The following THNSL1 variants were observed in gnomAD, a reference collection of about 807,000 sequenced individuals.
The protein encoded by THNSL1 is threonine synthase-like 1.
THNSL1 carries 48 observed loss-of-function variants against 50.4 expected under a neutral mutation model. The ratio of observed to expected loss-of-function variants is 0.95; its 90% confidence interval spans 0.76 to 1.21. The LOEUF (loss-of-function observed/expected upper bound fraction) is 1.21, where lower values mean the gene tolerates loss of function less well. Among genes scored for constraint, THNSL1 ranks in the 50% most tolerant of loss-of-function variants. The pLI, the probability that THNSL1 is intolerant of heterozygous loss-of-function variation, is 0.00. For missense variants in THNSL1, 896 were observed against 871.7 expected, an observed-to-expected ratio of 1.03 and a Z score of -0.35; for synonymous variants, 309 against 306.1, an observed-to-expected ratio of 1.01 and a Z score of -0.10.
upstream of THNSL1, chr10:25,015,966 C>G: frequency 6.3e-7 from 1 of 1,592,198 alleles, no homozygotes; most frequent in Non-Finnish European, 8.5e-7. Context: ...AAAAGCTACT[C>G]TCCACAACTT....
chr10:25,020,196 G>T (rs1288710937), intron 1 of THNSL1, among the ~76,000 whole-genome samples: 1 of 150,910 alleles, frequency 6.6e-6, no homozygotes, highest in Non-Finnish European at 1.5e-5. Context: ...AAATAATATT[G>T]ATACAGAATT....
intron 2 of THNSL1, among the ~76,000 whole-genome samples, chr10:25,022,569 AC>A (rs1169486466): frequency 1.3e-5 from 2 of 152,208 alleles, no homozygotes; most frequent in African/African-American, 4.8e-5. Context: ...AAAATGTCAT[AC>A]CTTTGTCCTG....
the THNSL1 span, among the ~76,000 whole-genome samples, chr10:24,974,279 T>TAA: frequency 0.045 from 6,868 of 151,754 alleles, 466 homozygotes; most frequent in African/African-American, 0.15. Context: ...ATGTGATTTT[T>TAA]AAAAAAAAAT....
chr10:25,021,230 G>T (rs1850712498), intron 1 of THNSL1, among the ~76,000 whole-genome samples: 1 of 152,186 alleles, frequency 6.6e-6, no homozygotes, highest in South Asian at 2.1e-4. Flanking sequence ...TAACCACTAT[G>T]ATATGTGCTT....
chr10:25,004,277 C>A, the THNSL1 span, among the ~76,000 whole-genome samples: 1 of 152,076 alleles, frequency 6.6e-6, no homozygotes, highest in African/African-American at 2.4e-5. Context: ...ATTTCTATTC[C>A]TTTGGGTATA....
At chr10:24,996,842 C>T in the THNSL1 span, among the ~76,000 whole-genome samples, 5 of 152,192 alleles carry the variant, frequency 3.3e-5, no homozygotes, top group Middle Eastern at 3.4e-3. Flanking sequence ...ATGTTGAAGC[C>T]CTAACCCCCA....
At chr10:25,017,068 G>C (rs188669257) in intron 1 of THNSL1, among the ~76,000 whole-genome samples, 41 of 152,258 alleles carry the variant, frequency 2.7e-4, no homozygotes, top group African/African-American at 9.4e-4. Flanking sequence ...CCTCCGGGTC[G>C]GCTCTGCGCC....
At chr10:24,973,483 T>C in the THNSL1 span, among the ~76,000 whole-genome samples, 1 of 152,136 alleles carries the variant, frequency 6.6e-6, no homozygotes, top group African/African-American at 2.4e-5. Flanking sequence ...ATTTCTGGAA[T>C]TTTCCATTTA....
In THNSL1 at chr10:25,025,498, A is replaced by G. The variant is rs1186308354; in HGVS notation, c.*43A>G. ...TTTTTTTTCTAGCTATAAGCATGCA[A>G]TAATAAATCTCAAACACTGATTTGG... is the stretch of plus-strand genomic sequence containing the variant. On this transcript the variant is annotated 3_prime_UTR_variant, in exon 3 of 3. Coordinates refer to ENST00000376356, the MANE Select transcript of THNSL1 (RefSeq NM_024838.5). The G allele has an allele frequency of 3.9e-6, 6 of 1,533,820 alleles. No individual in the cohort carries two copies. Among genetic ancestry groups the G allele is most frequent in the East Asian group, 2.3e-5 (1 of 44,386 alleles).
At chr10:24,955,242 T>TCC in the THNSL1 span, among the ~76,000 whole-genome samples, 1 of 151,962 alleles carries the variant, frequency 6.6e-6, no homozygotes, top group African/African-American at 2.4e-5. Flanking sequence ...ATGGGAGAAA[T>TCC]CCACCCCCAT....
chr10:24,984,330 T>A, the THNSL1 span: 1 of 1,588,594 alleles, frequency 6.3e-7, no homozygotes, highest in African/African-American at 1.4e-5. Flanking sequence ...CTATTTCCAG[T>A]TCAAAATACT....
chr10:25,014,776 T>A (rs1268707681), upstream of THNSL1, among the ~76,000 whole-genome samples: 1 of 152,230 alleles, frequency 6.6e-6, no homozygotes, highest in East Asian at 1.9e-4. Flanking sequence ...TAGATGTTGA[T>A]ATGCTAATGG....
the THNSL1 span, among the ~76,000 whole-genome samples, chr10:24,964,520 G>A: frequency 6.6e-6 from 1 of 152,170 alleles, no homozygotes; most frequent in Non-Finnish European, 1.5e-5. Context: ...TTAGAGACCT[G>A]CACTTTCTTT....
chr10:25,011,267 C>A, the THNSL1 span, among the ~76,000 whole-genome samples: 4 of 152,086 alleles, frequency 2.6e-5, no homozygotes, highest in Non-Finnish European at 4.4e-5. Context: ...CTGTTCATGT[C>A]CTTTGCCCAC....
At chr10:25,005,009 G>A in the THNSL1 span, among the ~76,000 whole-genome samples, 52 of 152,046 alleles carry the variant, frequency 3.4e-4, no homozygotes, top group Non-Finnish European at 6.0e-4. Flanking sequence ...ACCATTTATT[G>A]AATATGAAGT....
In THNSL1 at chr10:25,024,472, A is replaced by G; in HGVS notation, c.1249A>G (p.Lys417Glu). The part of the protein sequence containing the change: ...FPENGVSDFQ[K>E]AQIIGSQREN... ...TGAGAATGGAGTAAGTGATTTTCAA[A>G]AAGCACAAATAATTGGCAGTCAGAG... is the stretch of plus-strand genomic sequence containing the variant. The change falls in exon 3 of 3, where the codon AAA becomes GAA. Residue 417 changes from lysine (K) to glutamate (E), a missense_variant. Coordinates refer to ENST00000376356, the MANE Select transcript of THNSL1 (RefSeq NM_024838.5). 1 of 1,614,246 alleles carries G rather than the reference A, an allele frequency of 6.2e-7. No individual in the cohort carries two copies. The highest frequency in any genetic ancestry group is 8.5e-7 in the Non-Finnish European group (1 of 1,180,046).
the THNSL1 span, among the ~76,000 whole-genome samples, chr10:24,988,540 A>G: frequency 2.0e-5 from 3 of 147,486 alleles, no homozygotes; most frequent in South Asian, 6.4e-4. Flanking sequence ...ATCTATGTAC[A>G]TGTAGAGATA....
At chr10:25,013,852 G>A (rs935966060), upstream of THNSL1, among the ~76,000 whole-genome samples, 16 of 152,026 alleles carry the variant, frequency 1.1e-4, no homozygotes, top group Non-Finnish European at 2.9e-5. Context: ...TGAGGCAGGA[G>A]AATCGCTTGA....
chr10:25,016,443 GC>G (rs1850576193), upstream of THNSL1, among the ~76,000 whole-genome samples: 1 of 152,240 alleles, frequency 6.6e-6, no homozygotes, highest in African/African-American at 2.4e-5. Context: ...TTGTGAGCAG[GC>G]CCCAATCGCG....
Sources: gnomAD v4.1 joint callset for allele counts (sites outside exome capture counted in the v4.1 genomes callset) on GRCh38, gnomAD v4.1.1 for gene constraint, MANE v1.5 for transcripts, NCBI Gene and HGNC (gene_info 2026-07-23, HGNC 2026-07-21) for gene names.